Variants in GNAZ observed in about 807,000 individuals in gnomAD.
GNAZ encodes the protein G protein subunit alpha z, also known as guanine nucleotide-binding protein G(z) subunit alpha.
In GNAZ, 3 loss-of-function variants were observed where a neutral mutation model predicts 25.4. That is an observed-to-expected ratio of 0.12 (90% confidence interval 0.05 to 0.30). The LOEUF is 0.30. Among genes scored for constraint, GNAZ ranks in the 10% least tolerant of loss-of-function variants. The pLI, the probability that GNAZ is intolerant of heterozygous loss-of-function variation, is 1.00. For synonymous variants in GNAZ, 211 were observed against 205.7 expected (o/e 1.03, Z -0.22); for missense variants, 241 against 501.8 (o/e 0.48, Z 4.97).
chr22:23,094,158 C>G (rs79793927), intron 1 of GNAZ, among the ~76,000 whole-genome samples: 5,181 of 152,210 alleles, frequency 0.034, 303 homozygotes, highest in African/African-American at 0.12. Flanking sequence ...GGGGCGAATG[C>G]TGCCTGTGGC....
At chr22:23,089,162 C>A (rs1162442033) in intron 1 of GNAZ, among the ~76,000 whole-genome samples, 2 of 152,170 alleles carry the variant, frequency 1.3e-5, no homozygotes, top group African/African-American at 4.8e-5. Flanking sequence ...GGAAGTCAGG[C>A]ACAGTGATGA....
Position 23,096,231 on chromosome 22 carries a change from G to A in GNAZ, c.536G>A (p.Arg179Gln). Reference protein sequence around the residue: ...IPTVEDILRSRDMTTGIVENK... With the variant: ...IPTVEDILRSQDMTTGIVENK... ...ACTGTCGAGGACATCCTGCGCTCCC[G>A]GGACATGACCACGGGCATTGTGGAG... Residue 179 changes from arginine to glutamine, a missense_variant, in exon 2 of 3, where the codon CGG becomes CAG. Arg to Gln is a conservative substitution (Grantham distance 43, BLOSUM62 1). Transcript: ENST00000615612. 1 of 1,613,874 alleles carries A rather than the reference G, an allele frequency of 6.2e-7. No homozygotes were observed. Among genetic ancestry groups the A allele is most frequent in the Non-Finnish European group, 8.5e-7 (1 of 1,180,006 alleles).
intron 1 of GNAZ, among the ~76,000 whole-genome samples, chr22:23,092,363 C>T (rs943147551): frequency 1.3e-4 from 20 of 152,168 alleles, no homozygotes; most frequent in African/African-American, 2.9e-4. Context: ...CTGTCCCATG[C>T]GTGGTGCCCC....
rs886704701 is a variant in GNAZ, at chr22:23,095,365, C to T, written c.-331C>T. On this transcript the variant is annotated 5_prime_UTR_variant, in exon 2 of 3. The change creates a new upstream start codon in the 5' untranslated region. Transcript: ENST00000615612. Reference sequence around the variant, plus strand: ...ATCGCCACAGCAACCAGCAACCAGACGGCAGCAGCCGAGGCAAACACAAGC... The same window carrying T: ...ATCGCCACAGCAACCAGCAACCAGATGGCAGCAGCCGAGGCAAACACAAGC... The T allele has an allele frequency of 3.3e-5, 10 of 307,016 alleles. No individual in the cohort carries two copies. Among genetic ancestry groups the T allele is most frequent in the East Asian group, 7.2e-5 (1 of 13,824 alleles). The allele number at this position is 307,016 out of a possible 1,614,324, so 19.0% of individuals were successfully genotyped here. A position where few individuals can be genotyped will look rare whatever the true frequency, so the allele number is the denominator to read the frequency against.
chr22:23,079,039 C>G (rs987104897), intron 1 of GNAZ, among the ~76,000 whole-genome samples: 1 of 152,206 alleles, frequency 6.6e-6, no homozygotes, highest in Non-Finnish European at 1.5e-5. Context: ...CTACGAGGGC[C>G]TGGGATTGAT....
At chr22:23,082,454 C>T (rs1465966045) in intron 1 of GNAZ, among the ~76,000 whole-genome samples, 3 of 149,670 alleles carry the variant, frequency 2.0e-5, no homozygotes, top group African/African-American at 4.9e-5. Context: ...GAACTGACTT[C>T]GTGATCCACC....
chr22:23,090,578 T>G (rs866037949), intron 1 of GNAZ, among the ~76,000 whole-genome samples: 1 of 152,166 alleles, frequency 6.6e-6, no homozygotes, highest in Non-Finnish European at 1.5e-5. Context: ...CCACATGGCC[T>G]CCTTCCTGCC....
At chr22:23,107,193 AG>A (rs886412478) in intron 2 of GNAZ, among the ~76,000 whole-genome samples, 4 of 152,172 alleles carry the variant, frequency 2.6e-5, no homozygotes, top group Non-Finnish European at 4.4e-5. Flanking sequence ...GCATAGTTGC[AG>A]GGGGGAGGGG....
chr22:23,104,689 GGA>G (rs1043681666), intron 2 of GNAZ, among the ~76,000 whole-genome samples: 2 of 152,088 alleles, frequency 1.3e-5, no homozygotes, highest in Admixed American at 6.5e-5. Flanking sequence ...GCTGACTTGG[GGA>G]TCCCTAGTAA....
At chr22:23,111,371 AC>A (rs2069654358) in intron 2 of GNAZ, among the ~76,000 whole-genome samples, 2 of 152,128 alleles carry the variant, frequency 1.3e-5, no homozygotes, top group African/African-American at 4.8e-5. Flanking sequence ...AGCGCACTGG[AC>A]TCGGTTCCGC....
chr22:23,114,017 G>A (rs74919816), intron 2 of GNAZ, among the ~76,000 whole-genome samples: 9,329 of 152,278 alleles, frequency 0.061, 981 homozygotes, highest in African/African-American at 0.21. Context: ...GGCCCAGAGG[G>A]GTGAGAGGCT....
chr22:23,089,949 C>T (rs2146298271), intron 1 of GNAZ, among the ~76,000 whole-genome samples: 1 of 152,294 alleles, frequency 6.6e-6, no homozygotes, highest in East Asian at 1.9e-4. Flanking sequence ...CCCACTAGGG[C>T]TTCTTGGCCT....
intron 1 of GNAZ, among the ~76,000 whole-genome samples, chr22:23,091,051 G>C (rs1019444308): frequency 1.3e-5 from 2 of 152,190 alleles, no homozygotes; most frequent in Non-Finnish European, 2.9e-5. Flanking sequence ...TCTGCTCCCA[G>C]GATGCCACAT....
At chr22:23,108,234 G>A (rs990046733) in intron 2 of GNAZ, among the ~76,000 whole-genome samples, 4 of 152,242 alleles carry the variant, frequency 2.6e-5, no homozygotes, top group African/African-American at 7.2e-5. Context: ...CATCCACCCC[G>A]TGCTGGGCAG....
Position 23,073,229 on chromosome 22 carries a change from C to T in GNAZ, c.-450+2659C>T, listed in dbSNP as rs2068422951. On this transcript the variant is annotated intron_variant, in intron 1 of 2. Coordinates refer to ENST00000615612, the MANE Select transcript of GNAZ (RefSeq NM_002073.4). ...CAGCATGCTGCTCTCCCGAACCCTC[C>T]AGCAAGGAAACCTGGGGTAGCCAAG... 2.0e-5 allele frequency among the ~76,000 whole-genome samples: 3 copies of T among 152,256 alleles called. No individual in the cohort carries two copies. The South Asian group carries it at 6.2e-4, about 31-fold the overall frequency.
intron 1 of GNAZ, among the ~76,000 whole-genome samples, chr22:23,090,285 C>T (rs1056141546): frequency 5.9e-5 from 9 of 152,094 alleles, no homozygotes; most frequent in South Asian, 2.1e-4. Context: ...GTTCCCTGAT[C>T]GTCTCCCTGT....
chr22:23,117,507 C>G (rs1280666668), intron 2 of GNAZ, among the ~76,000 whole-genome samples: 1 of 152,228 alleles, frequency 6.6e-6, no homozygotes, highest in East Asian at 1.9e-4. Context: ...GTAGCCTTCC[C>G]TCAGCTGCCT....
At chr22:23,078,263 T>TA (rs1601754290) in intron 1 of GNAZ, among the ~76,000 whole-genome samples, 1 of 152,274 alleles carries the variant, frequency 6.6e-6, no homozygotes, top group East Asian at 1.9e-4. Flanking sequence ...AATTTCGGAT[T>TA]AATCAAACTC....
In GNAZ at chr22:23,106,854, C is replaced by T. The variant is rs566405072; in HGVS notation, c.723+10436C>T. Among the ~76,000 whole-genome samples, 57 of 152,316 alleles carry T rather than the reference C, an allele frequency of 3.7e-4. 1 individual carries two copies. The South Asian group carries it at 0.011, about 30-fold the overall frequency. On this transcript the variant is annotated intron_variant, in intron 2 of 2. Transcript: ENST00000615612. The stretch of plus-strand genomic sequence containing the variant: ...TGGGGGCCTTCTGACCTGGACATCC[C>T]GCTGCTGCCCAGGGGAATGGGCAGG...
Sources: allele counts gnomAD v4.1 joint callset (sites outside exome capture counted in the v4.1 genomes callset), GRCh38; gene constraint gnomAD v4.1.1; transcripts MANE v1.5; gene names NCBI Gene and HGNC (gene_info 2026-07-23, HGNC 2026-07-21).